CCDC24: variants seen among roughly 807,000 people sequenced by gnomAD.
CCDC24 encodes coiled-coil domain containing 24.
Under a neutral mutation model 31.6 loss-of-function variants are expected in CCDC24, and 34 were observed. The observed-to-expected ratio is 1.08, with a 90% CI of 0.82 to 1.43. The LOEUF (loss-of-function observed/expected upper bound fraction) is 1.43. Ranked by LOEUF, CCDC24 falls within the 40% of genes most tolerant of loss-of-function variation. The pLI, the probability that CCDC24 is intolerant of heterozygous loss-of-function variation, is 0.00. For synonymous variants in CCDC24, 175 were observed against 157.3 expected, an observed-to-expected ratio of 1.11 and a Z score of -0.84; for missense variants, 426 against 391.1, an observed-to-expected ratio of 1.09 and a Z score of -0.75.
intron 4 of CCDC24, 75 bp from the exon 5 acceptor site, chr1:43,993,812 G>T: frequency 7.4e-7 from 1 of 1,358,924 alleles, no homozygotes; most frequent in Non-Finnish European, 1.1e-6. Flanking sequence ...AGAAACAGTT[G>T]CCTAGAAGTG....
In CCDC24 at chr1:43,995,315, C is replaced by A; in HGVS notation, c.552+153C>A. 1.2e-6 allele frequency: 1 copy of A among 845,192 alleles called. No homozygotes were observed. The highest frequency in any genetic ancestry group is 1.7e-5 in the South Asian group (1 of 59,438). The allele number at this position is 845,192 out of a possible 1,614,324, so 52.4% of individuals were successfully genotyped here. On this transcript the variant is annotated intron_variant, in intron 6 of 8. Coordinates refer to ENST00000372318, the MANE Select transcript of CCDC24 (RefSeq NM_152499.4). This position sits in a 1 kb window ranked among gnomAD's most constrained non-coding sequence, Gnocchi z 4.3. The stretch of plus-strand genomic sequence containing the variant: ...CTCAGGGGTGCATGCTTGTGTGCAC[C>A]TGCAAAATCCTGGAGGCCCAGGATT...
intron 5 of CCDC24, chr1:43,994,194 C>T (rs1290268626): frequency 2.0e-5 from 10 of 500,148 alleles, no homozygotes; most frequent in Middle Eastern, 5.2e-4. Context: ...GCCTATAATC[C>T]CAGCAATTTG....
intron 5 of CCDC24, chr1:43,994,275 A>G (rs2085791599): frequency 2.7e-6 from 1 of 372,012 alleles, no homozygotes. Context: ...GGAAAACCCC[A>G]TCTCTACCAA....
Position 43,991,950 on chromosome 1 carries a change from G to A in CCDC24, c.72G>A (p.Val24=). ...TTCCGCTCCGGGAGCGACGCGAAGT[G>A]AAGAGGATTCTGGGGGAGGCGGCGG... ...EHVPLRERRE[V]KRILGEAAVD... Residue 24 remains valine (V), a synonymous_variant, in exon 2 of 9, where the codon GTG becomes GTA. Coordinates refer to ENST00000372318, the MANE Select transcript of CCDC24 (RefSeq NM_152499.4). 1 of 1,538,626 alleles carries A rather than the reference G, an allele frequency of 6.5e-7. No homozygotes were observed. Among genetic ancestry groups the A allele is most frequent in the Middle Eastern group, 1.9e-4 (1 of 5,256 alleles).
In CCDC24 at chr1:43,993,959, C is replaced by T. The variant is rs771884289; in HGVS notation, c.492C>T (p.His164=). The change falls in exon 5 of 9, where the codon CAC becomes CAT. Residue 164 remains histidine, a synonymous_variant. Coordinates refer to ENST00000372318, the MANE Select transcript of CCDC24 (RefSeq NM_152499.4). ...CCAACATTGACCAGGTGGCCAGACA[C>T]CTGAGGTGAGGCCCAGGGGCACCTG... The part of the protein sequence containing the change: ...NVSNIDQVAR[H]LRGLLEEECH... 3 of 1,614,022 alleles carry T rather than the reference C, an allele frequency of 1.9e-6. No individual in the cohort carries two copies. Among genetic ancestry groups the T allele is most frequent in the Non-Finnish European group, 2.5e-6 (3 of 1,179,918 alleles).
At position 43,995,053 on chromosome 1, in the gene CCDC24, A is replaced by T; in HGVS notation, c.498-55A>T. On this transcript the variant is annotated intron_variant, in intron 5 of 8. Transcript: ENST00000372318. The surrounding 1 kb of genome is among the most constrained non-coding windows in gnomAD (Gnocchi z 4.3). ...GAGGTTGGGGCCATGTGGTGGACTC[A>T]GCTGAGCCCTGGTCCTGTGTCTCGG... The T allele has an allele frequency of 1.3e-6, 2 of 1,525,306 alleles. No homozygotes were observed. Among genetic ancestry groups the T allele is most frequent in the Non-Finnish European group, 8.9e-7 (1 of 1,124,464 alleles). 94.5% of individuals were successfully genotyped at this position (1,525,306 alleles called of 1,614,324 possible). A position where few individuals can be genotyped will look rare whatever the true frequency, so the allele number is the denominator to read the frequency against.
At chr1:43,993,803 G>T in intron 4 of CCDC24, 84 bp from the exon 5 acceptor site, 1 of 1,322,900 alleles carries the variant, frequency 7.6e-7, no homozygotes, top group Admixed American at 1.8e-5. Flanking sequence ...TGTGAGAAAA[G>T]AAACAGTTGC....
In CCDC24 at chr1:43,995,211, A is replaced by G. The variant is rs2085817306; in HGVS notation, c.552+49A>G. On this transcript the variant is annotated intron_variant, in intron 6 of 8. Transcript: ENST00000372318. This position sits in a 1 kb window ranked among gnomAD's most constrained non-coding sequence, Gnocchi z 4.3. ...CCCCGAGCCTCACTGCTGAGCGTAG[A>G]CTCTCACCTGGGTGAGACCCATGTA... 6.5e-7 allele frequency: 1 copy of G among 1,529,762 alleles called. No homozygotes were observed. The highest frequency in any genetic ancestry group is 8.8e-7 in the Non-Finnish European group (1 of 1,132,942). 94.8% of individuals were successfully genotyped at this position (1,529,762 alleles called of 1,614,324 possible).
At position 43,991,936 on chromosome 1, in the gene CCDC24, G is replaced by A; in HGVS notation, c.58G>A (p.Glu20Lys). ...ELVEEHVPLR[E>K]RREVKRILGE... ...GGTGGAGGAGCACGTTCCGCTCCGG[G>A]AGCGACGCGAAGTGAAGAGGATTCT... is the stretch of plus-strand genomic sequence containing the variant. Residue 20 changes from glutamate to lysine, a missense_variant, in exon 2 of 9, where the codon GAG becomes AAG. Physicochemically the swap from Glu to Lys is moderately conservative, Grantham distance 56. Transcript: ENST00000372318. The A allele has an allele frequency of 6.5e-7, 1 of 1,541,996 alleles. No individual in the cohort carries two copies. The highest frequency in any genetic ancestry group is 8.8e-7 in the Non-Finnish European group (1 of 1,140,546).
chr1:43,992,736 C>A, intron 4 of CCDC24, 97 bp downstream of exon 4: 1 of 1,124,292 alleles, frequency 8.9e-7, no homozygotes, highest in South Asian at 1.3e-5. Flanking sequence ...AGATTCCAGT[C>A]ACGGGCTGGG....
intron 1 of CCDC24, 25 bp from the exon 2 acceptor site, chr1:43,991,822 C>G (rs2085748852): frequency 1.3e-6 from 2 of 1,542,554 alleles, no homozygotes; most frequent in South Asian, 1.2e-5. Context: ...GCGGTACCTC[C>G]CGCACTCTGA....
At chr1:43,991,823 C>G (rs1167779849) in intron 1 of CCDC24, 24 bp from the exon 2 acceptor site, 2 of 1,542,842 alleles carry the variant, frequency 1.3e-6, no homozygotes, top group Admixed American at 2.0e-5. Context: ...CGGTACCTCC[C>G]GCACTCTGAC....
In CCDC24 at chr1:43,995,620, A is replaced by G. The variant is rs2085830755; in HGVS notation, c.572A>G (p.Tyr191Cys). 6.2e-7 allele frequency: 1 copy of G among 1,611,786 alleles called. No individual in the cohort carries two copies. Among genetic ancestry groups the G allele is most frequent in the Non-Finnish European group, 8.5e-7 (1 of 1,178,894 alleles). ...CTGCAGCGCTGCCTGGAAGAGGAGT[A>G]TTTGAGGCCTTGCCACCCCTCTGAG... ...LILQRCLEEE[Y>C]LRPCHPSEAA... Residue 191 changes from tyrosine (Y) to cysteine (C), a missense_variant, in exon 7 of 9, where the codon TAT (tyrosine) becomes TGT (cysteine). By Grantham distance (194) the Tyr-to-Cys change is radical. Coordinates refer to ENST00000372318, the MANE Select transcript of CCDC24 (RefSeq NM_152499.4). The surrounding 1 kb of genome is among the most constrained non-coding windows in gnomAD (Gnocchi z 4.3).
At chr1:43,993,033 G>A (rs1313831842) in intron 4 of CCDC24, among the ~76,000 whole-genome samples, 1 of 152,198 alleles carries the variant, frequency 6.6e-6, no homozygotes, top group Non-Finnish European at 1.5e-5. Context: ...GGTCACAAAT[G>A]GTATTTACAG....
At position 43,995,179 on chromosome 1, in the gene CCDC24, G is replaced by A. The variant is rs2085815554; in HGVS notation, c.552+17G>A. 1 of 1,558,584 alleles carries A rather than the reference G, an allele frequency of 6.4e-7. No individual in the cohort carries two copies. The highest frequency in any genetic ancestry group is 1.9e-5 in the Admixed American group (1 of 52,490). On this transcript the variant is annotated intron_variant, in intron 6 of 8. Coordinates refer to ENST00000372318, the MANE Select transcript of CCDC24 (RefSeq NM_152499.4). The surrounding 1 kb of genome is among the most constrained non-coding windows in gnomAD (Gnocchi z 4.3). ...ATCCTGCAGGTGAGCCGCAGCCCTG[G>A]GCCCTCCCCCGAGCCTCACTGCTGA... is the stretch of plus-strand genomic sequence containing the variant.
In CCDC24 at chr1:43,993,928, A is replaced by G; in HGVS notation, c.461A>G (p.Asn154Ser). ...CTCAGCATCATCAAGGACCAACTGAACGTGTCCAACATTGACCAGGTGGCC... is the reference window on the plus strand; with the variant it reads ...CTCAGCATCATCAAGGACCAACTGAGCGTGTCCAACATTGACCAGGTGGCC... ...RDLSIIKDQL[N>S]VSNIDQVARH... The change falls in exon 5 of 9, where the codon AAC (asparagine) becomes AGC (serine). Residue 154 changes from asparagine (N) to serine (S), a missense_variant. Coordinates refer to ENST00000372318, the MANE Select transcript of CCDC24 (RefSeq NM_152499.4). 2 of 1,614,184 alleles carry G rather than the reference A, an allele frequency of 1.2e-6. No homozygotes were observed. Among genetic ancestry groups the G allele is most frequent in the Non-Finnish European group, 1.7e-6 (2 of 1,180,024 alleles).
chr1:43,994,855 G>C lies in CCDC24; in HGVS notation c.498-253G>C. 3 of 576,196 alleles carry C rather than the reference G, an allele frequency of 5.2e-6. No individual in the cohort carries two copies. In the South Asian group the frequency reaches 6.4e-5, roughly 12 times the overall value. 35.7% of individuals were successfully genotyped at this position (576,196 alleles called of 1,614,324 possible). ...TGGAGGCAAGAAGAATCACAGTGCAGAAGTGTGGGAGAGAGAAGGATGCCT... is the reference window on the plus strand; with the variant it reads ...TGGAGGCAAGAAGAATCACAGTGCACAAGTGTGGGAGAGAGAAGGATGCCT... On this transcript the variant is annotated intron_variant, in intron 5 of 8. Transcript: ENST00000372318.
In CCDC24 at chr1:43,996,138, C is replaced by T; in HGVS notation, c.902C>T (p.Ala301Val). The T allele has an allele frequency of 6.2e-7, 1 of 1,604,290 alleles. No homozygotes were observed. The highest frequency in any genetic ancestry group is 8.5e-7 in the Non-Finnish European group (1 of 1,174,648). The change falls in exon 9 of 9, where the codon GCA (alanine) becomes GTA (valine). Residue 301 changes from alanine (A) to valine (V), a missense_variant. Physicochemically the swap from Ala to Val is moderately conservative, Grantham distance 64. Transcript: ENST00000372318. ...EGPASTPMSSAAPQAPA is the reference protein window; with the variant it reads ...EGPASTPMSSVAPQAPA ...CCAGCTTCCACACCCATGTCCAGTG[C>T]AGCACCCCAAGCCCCAGCCTGAAGG...
In CCDC24 at chr1:43,992,406, G is replaced by A; in HGVS notation, c.302+19G>A. 6.2e-7 allele frequency: 1 copy of A among 1,613,784 alleles called. No individual in the cohort carries two copies. The highest frequency in any genetic ancestry group is 1.7e-5 in the Admixed American group (1 of 59,974). On this transcript the variant is annotated intron_variant, in intron 3 of 8. Transcript: ENST00000372318. Reference sequence around the variant, plus strand: ...AGGGCAGGTGGGAGCCTCAGGCCTGGGCCCTTTCCCTAGATACCAGGTGGG... The same window carrying A: ...AGGGCAGGTGGGAGCCTCAGGCCTGAGCCCTTTCCCTAGATACCAGGTGGG...
Sources: allele counts gnomAD v4.1 joint callset (sites outside exome capture counted in the v4.1 genomes callset), GRCh38; gene constraint gnomAD v4.1.1; non-coding constraint Gnocchi (gnomAD v3.1); transcripts MANE v1.5; gene names NCBI Gene and HGNC (gene_info 2026-07-23, HGNC 2026-07-21).